SLC17A3: variants seen among roughly 807,000 people sequenced by gnomAD.
SLC17A3 encodes solute carrier family 17 member 3.
SLC17A3 carries 61 observed loss-of-function variants against 60.3 expected under a neutral mutation model. The observed-to-expected ratio is 1.01, with a 90% CI of 0.82 to 1.25. The LOEUF (loss-of-function observed/expected upper bound fraction) is 1.25, where lower values mean the gene tolerates loss of function less well. Among genes scored for constraint, SLC17A3 ranks in the 50% most tolerant of loss-of-function variants. SLC17A3 has a pLI of 0.00. For missense variants in SLC17A3, 624 were observed against 594.9 expected (o/e 1.05, Z -0.51); for synonymous variants, 192 against 208.9 (o/e 0.92, Z 0.70).
intron 11 of SLC17A3, among the ~76,000 whole-genome samples, chr6:25,845,973 A>C (rs1049805681): frequency 2.0e-5 from 3 of 152,146 alleles, no homozygotes; most frequent in Non-Finnish European, 4.4e-5. Flanking sequence ...ATAAAATTCA[A>C]TTTTCACAAC....
In SLC17A3 at chr6:25,850,041, T is replaced by A. The variant is rs750901875; in HGVS notation, c.1123+7A>T. 1.2e-6 allele frequency: 2 copies of A among 1,613,858 alleles called. No individual in the cohort carries two copies. Among genetic ancestry groups the A allele is most frequent in the Non-Finnish European group, 1.7e-6 (2 of 1,179,836 alleles). On this transcript the variant is annotated splice_region_variant and intron_variant, in intron 9 of 12. Transcript: ENST00000397060. ...CAAATTATCTGACCCTCAAGCTCTG[T>A]TCTTACCTAAAATTGTGGCAATTTT...
At position 25,862,458 on chromosome 6, in the gene SLC17A3, G is replaced by T; in HGVS notation, c.92-14C>A. The T allele has an allele frequency of 6.3e-7, 1 of 1,593,736 alleles. No individual in the cohort carries two copies. On this transcript the variant is annotated splice_polypyrimidine_tract_variant and intron_variant, in intron 2 of 12. Coordinates refer to ENST00000397060, the MANE Select transcript of SLC17A3 (RefSeq NM_001098486.2). ...ATAAACTTGGAACTGGAAATATTAT[G>T]ACATCATATTAGTGTTTTTTAAAAT...
Position 25,845,303 on chromosome 6 carries a change from GA to G in SLC17A3, c.*3-6del, listed in dbSNP as rs1368747785. ...TTTCCATCCAAGGTGGGATAACTAA[GA>G]AAGGAAAATGATATAGAATTTAAAA... On this transcript the variant is annotated splice_polypyrimidine_tract_variant and splice_region_variant and intron_variant, in intron 12 of 12. Transcript: ENST00000397060. The G allele has an allele frequency of 6.4e-7, 1 of 1,564,690 alleles. No homozygotes were observed. The highest frequency in any genetic ancestry group is 1.4e-5 in the African/African-American group (1 of 73,904).
At position 25,850,047 on chromosome 6, in the gene SLC17A3, C is replaced by T. The variant is rs866986034; in HGVS notation, c.1123+1G>A. Reference sequence around the variant, plus strand: ...ATCTGACCCTCAAGCTCTGTTCTTACCTAAAATTGTGGCAATTTTCCTCAC... The same window carrying T: ...ATCTGACCCTCAAGCTCTGTTCTTATCTAAAATTGTGGCAATTTTCCTCAC... On this transcript the variant is annotated splice_donor_variant, in intron 9 of 12. Coordinates refer to ENST00000397060, the MANE Select transcript of SLC17A3 (RefSeq NM_001098486.2). LOFTEE classifies it high-confidence loss of function. 1 of 1,613,764 alleles carries T rather than the reference C, an allele frequency of 6.2e-7. No individual in the cohort carries two copies. Among genetic ancestry groups the T allele is most frequent in the African/African-American group, 1.3e-5 (1 of 74,886 alleles).
At chr6:25,849,665 A>G in intron 10 of SLC17A3, 140 bp downstream of exon 10, 1 of 948,664 alleles carries the variant, frequency 1.1e-6, no homozygotes, top group Non-Finnish European at 1.7e-6. Flanking sequence ...TCCTCAACAT[A>G]CCTGAAAAAA....
intron 2 of SLC17A3, among the ~76,000 whole-genome samples, chr6:25,865,255 C>T (rs754360131): frequency 2.0e-5 from 3 of 152,008 alleles, no homozygotes; most frequent in East Asian, 1.9e-4. Flanking sequence ...ATACAATCCA[C>T]GTGCACCCAG....
At position 25,872,279 on chromosome 6, in the gene SLC17A3, G is replaced by A. The variant is rs573483087; in HGVS notation, c.-34+1888C>T. 1.4e-4 allele frequency among the ~76,000 whole-genome samples: 21 copies of A among 147,126 alleles called. No individual in the cohort carries two copies. In the South Asian group the frequency reaches 3.9e-3, roughly 27 times the overall value. ...ACATCTCTCCCCAACTCTGAATTCA[G>A]TAATGTCATGATGGTAGCTTGGAAT... is the stretch of plus-strand genomic sequence containing the variant. On this transcript the variant is annotated intron_variant, in intron 1 of 12. Transcript: ENST00000397060.
intron 2 of SLC17A3, 86 bp from the exon 3 acceptor site, chr6:25,862,530 A>T (rs1052902922): frequency 9.5e-7 from 1 of 1,055,474 alleles, no homozygotes; most frequent in African/African-American, 1.6e-5. Context: ...AAAGTACCTG[A>T]TCACTTAACG....
In SLC17A3 at chr6:25,867,622, C is replaced by T. The variant is rs539482542; in HGVS notation, c.91+675G>A. 3.8e-4 allele frequency among the ~76,000 whole-genome samples: 57 copies of T among 151,744 alleles called. 1 individual carries two copies. In the East Asian group the frequency reaches 5.6e-3, roughly 15 times the overall value. On this transcript the variant is annotated intron_variant, in intron 2 of 12. Coordinates refer to ENST00000397060, the MANE Select transcript of SLC17A3 (RefSeq NM_001098486.2). ...ATAGTTCATATATAGATATAATAGC[C>T]GAGTAACAAAAGAAAACCCTACAAA...
At chr6:25,872,048 A>AT (rs1765651144) in intron 1 of SLC17A3, among the ~76,000 whole-genome samples, 1 of 152,000 alleles carries the variant, frequency 6.6e-6, no homozygotes, top group Non-Finnish European at 1.5e-5. Context: ...GTTTTTAGAA[A>AT]TTTTTCAAGC....
chr6:25,860,486 G>A (rs1337249522), intron 5 of SLC17A3, among the ~76,000 whole-genome samples: 4 of 152,130 alleles, frequency 2.6e-5, no homozygotes, highest in Non-Finnish European at 5.9e-5. Flanking sequence ...AAAGCAGGCA[G>A]GTTCAGCTCA....
Position 25,850,532 on chromosome 6 carries a change from T to C in SLC17A3, c.920A>G (p.Gln307Arg). Reference protein sequence around the residue: ...WSICLGCFSHQWLVSTMVVYI... With the variant: ...WSICLGCFSHRWLVSTMVVYI... The stretch of plus-strand genomic sequence containing the variant: ...TACAACCATTGTGCTAACTAACCAT[T>C]GATGGCTGAAACAGCCTAAACATAT... The change falls in exon 8 of 13, where the codon CAA (glutamine) becomes CGA (arginine). Residue 307 changes from glutamine to arginine, a missense_variant. Gln to Arg is a conservative substitution (Grantham distance 43). Coordinates refer to ENST00000397060, the MANE Select transcript of SLC17A3 (RefSeq NM_001098486.2). 6.2e-7 allele frequency: 1 copy of C among 1,613,812 alleles called. No homozygotes were observed. Among genetic ancestry groups the C allele is most frequent in the Non-Finnish European group, 8.5e-7 (1 of 1,179,786 alleles).
chr6:25,848,838 A>G (rs934202754), intron 11 of SLC17A3, among the ~76,000 whole-genome samples: 2 of 152,196 alleles, frequency 1.3e-5, no homozygotes, highest in Non-Finnish European at 2.9e-5. Flanking sequence ...TTCACAATCT[A>G]TACATCTGAG....
chr6:25,850,886 A>C lies in SLC17A3; in HGVS notation c.713-9T>G. The stretch of plus-strand genomic sequence containing the variant: ...GACACAGCCAACACCTCCTGTAAGC[A>C]CAGGGTAAATTTGGTAAATGGGCTG... On this transcript the variant is annotated splice_polypyrimidine_tract_variant and intron_variant, in intron 6 of 12. Coordinates refer to ENST00000397060, the MANE Select transcript of SLC17A3 (RefSeq NM_001098486.2). The C allele has an allele frequency of 6.2e-7, 1 of 1,610,390 alleles. No individual in the cohort carries two copies. The highest frequency in any genetic ancestry group is 1.1e-5 in the South Asian group (1 of 91,002).
rs1425100791 is a variant in SLC17A3 at position 25,855,215 on chromosome 6, C to G, written c.641G>C (p.Cys214Ser). 6.2e-7 allele frequency: 1 copy of G among 1,613,222 alleles called. No homozygotes were observed. Residue 214 changes from cysteine to serine, a missense_variant, in exon 6 of 13, where the codon TGC becomes TCC. Transcript: ENST00000397060. ...SIALSGMLLG[C>S]FTAILIGGFI... ...GCCACCTATGAGGATGGCAGTAAAG[C>G]ATCCCAGTAACATTCCTGCAAAGAG... is the stretch of plus-strand genomic sequence containing the variant.
At chr6:25,868,449 A>C in intron 1 of SLC17A3, 29 bp from the exon 2 acceptor site, 1 of 1,365,418 alleles carries the variant, frequency 7.3e-7, no homozygotes. Context: ...ATTCACATGC[A>C]TCAGTTGAGA....
At chr6:25,863,664 T>C (rs189568054) in intron 2 of SLC17A3, among the ~76,000 whole-genome samples, 38 of 152,238 alleles carry the variant, frequency 2.5e-4, no homozygotes, top group Admixed American at 2.4e-3. Flanking sequence ...TTCTCCAGAC[T>C]GCCTGGAAGC....
At chr6:25,867,718 T>C (rs1383436810) in intron 2 of SLC17A3, among the ~76,000 whole-genome samples, 1 of 151,874 alleles carries the variant, frequency 6.6e-6, no homozygotes, top group Non-Finnish European at 1.5e-5. Flanking sequence ...TGGAATATAA[T>C]GTGTATCCTT....
At position 25,850,554 on chromosome 6, in the gene SLC17A3, A is replaced by T. The variant is rs746407455; in HGVS notation, c.898T>A (p.Cys300Ser). The stretch of plus-strand genomic sequence containing the variant: ...CATTGATGGCTGAAACAGCCTAAAC[A>T]TATGGACCAAATGGGTAGAGATCTG... ...MLRSLPIWSI[C>S]LGCFSHQWLV... is the part of the protein sequence containing the mutation. Residue 300 changes from cysteine (C) to serine (S), a missense_variant, in exon 8 of 13, where the codon TGT (cysteine) becomes AGT (serine). Coordinates refer to ENST00000397060, the MANE Select transcript of SLC17A3 (RefSeq NM_001098486.2). 29 of 1,613,876 alleles carry T rather than the reference A, an allele frequency of 1.8e-5. No individual in the cohort carries two copies. The highest frequency in any genetic ancestry group is 1.3e-5 in the African/African-American group (1 of 74,904).
Sources: gnomAD v4.1 joint callset for allele counts (sites outside exome capture counted in the v4.1 genomes callset) on GRCh38, gnomAD v4.1.1 for gene constraint, MANE v1.5 for transcripts, NCBI Gene and HGNC (gene_info 2026-07-23, HGNC 2026-07-21) for gene names.